Variants in CEACAM1 observed in about 807,000 individuals in gnomAD.
CEACAM1 encodes the protein CEA cell adhesion molecule 1.
Under a neutral mutation model 49.1 loss-of-function variants are expected in CEACAM1, and 31 were observed. The observed-to-expected ratio is 0.63, with a 90% CI of 0.47 to 0.85. CEACAM1 has a LOEUF of 0.85. Ranked by LOEUF, CEACAM1 falls within the 40% of genes least tolerant of loss-of-function variation. The pLI is 0.00. For synonymous variants in CEACAM1, 244 were observed against 247.8 expected (o/e 0.98, Z 0.14); for missense variants, 570 against 645.3 (o/e 0.88, Z 1.26).
At chr19:42,519,586 T>G (rs1194069686) in intron 4 of CEACAM1, 1 of 214,258 alleles carries the variant, frequency 4.7e-6, no homozygotes, top group African/African-American at 2.7e-5. Flanking sequence ...TTTTTTTTTT[T>G]TCAGACGGAG....
chr19:42,512,505 GA>G (rs1168205998), intron 5 of CEACAM1, 26 bp from the exon 6 acceptor site: 1 of 1,606,278 alleles, frequency 6.2e-7, no homozygotes, highest in Admixed American at 1.7e-5. Context: ...AAGAGGAGAA[GA>G]AATGAAAGTG....
chr19:42,509,277 C>T lies in CEACAM1; in HGVS notation c.1462-49G>A, dbSNP rs201227332. On this transcript the variant is annotated intron_variant, in intron 8 of 8. Transcript: ENST00000161559. Reference sequence around the variant, plus strand: ...GTTAAGTCAGTGACACAGGGCAGGGCCTCACCTTGCCTGGTGTGATTCAGC... The same window carrying T: ...GTTAAGTCAGTGACACAGGGCAGGGTCTCACCTTGCCTGGTGTGATTCAGC... The T allele has an allele frequency of 8.5e-5, 132 of 1,551,204 alleles. 2 individuals carry two copies. In the South Asian group the frequency reaches 1.1e-3, roughly 13 times the overall value.
chr19:42,512,778 A>G (rs1185926788), intron 5 of CEACAM1, among the ~76,000 whole-genome samples: 2 of 151,706 alleles, frequency 1.3e-5, no homozygotes, highest in Non-Finnish European at 2.9e-5. Context: ...CCCAGGTTCA[A>G]GCGATTCTCC....
chr19:42,511,619 G>A lies in CEACAM1; in HGVS notation c.1386C>T (p.Asp462=). 1 of 1,613,968 alleles carries A rather than the reference G, an allele frequency of 6.2e-7. No homozygotes were observed. The highest frequency in any genetic ancestry group is 8.5e-7 in the Non-Finnish European group (1 of 1,179,948). The part of the protein sequence containing the change: ...LHFGKTGRAS[D]QRDLTEHKPS... ...GTTTGTGCTCTGTGAGATCACGCTG[G>A]TCGCTTGCCCTAAATAAATATCAGA... Residue 462 remains aspartate (D), a synonymous_variant, in exon 7 of 9, where the codon GAC becomes GAT. Coordinates refer to ENST00000161559, the MANE Select transcript of CEACAM1 (RefSeq NM_001712.5).
intron 2 of CEACAM1, among the ~76,000 whole-genome samples, chr19:42,522,834 G>C (rs929053859): frequency 6.6e-6 from 1 of 152,140 alleles, no homozygotes; most frequent in Admixed American, 6.6e-5. Flanking sequence ...GATTCCGTCC[G>C]GGCATTTTTC....
chr19:42,517,268 A>G (rs932288805), intron 5 of CEACAM1, among the ~76,000 whole-genome samples: 2 of 152,256 alleles, frequency 1.3e-5, no homozygotes, highest in Non-Finnish European at 2.9e-5. Context: ...GAATTTGGCA[A>G]TGATTTCTTG....
At chr19:42,519,282 G>T (rs1220088464) in intron 4 of CEACAM1, 47 bp from the exon 5 acceptor site, 1 of 1,579,014 alleles carries the variant, frequency 6.3e-7, no homozygotes, top group Admixed American at 1.7e-5. Flanking sequence ...GAATAGGGTT[G>T]GGGCCTGGGG....
At position 42,515,235 on chromosome 19, in the gene CEACAM1, T is replaced by C. The variant is rs1241883606; in HGVS notation, c.1247-2756A>G. 6 of 457,626 alleles carry C rather than the reference T, an allele frequency of 1.3e-5. No individual in the cohort carries two copies. The South Asian group carries it at 2.2e-4, about 17-fold the overall frequency. The allele number at this position is 457,626 out of a possible 1,614,324, so 28.3% of individuals were successfully genotyped here. On this transcript the variant is annotated intron_variant, in intron 5 of 8. Coordinates refer to ENST00000161559, the MANE Select transcript of CEACAM1 (RefSeq NM_001712.5). ...CTGTGTTTGCACCACTGCACTCCAG[T>C]CTGGGTGACAGAGTGACACCCTGTC... is the stretch of plus-strand genomic sequence containing the variant.
At chr19:42,513,917 T>TATATATATATATATATATATATAA (rs1395679051) in intron 5 of CEACAM1, among the ~76,000 whole-genome samples, 10 of 129,638 alleles carry the variant, frequency 7.7e-5, no homozygotes, top group African/African-American at 3.2e-4. Flanking sequence ...TATATATATA[T>TATATATATATATATATATATATAA]AATATATAAA....
chr19:42,508,940 G>A lies in CEACAM1; in HGVS notation c.*169C>T. On this transcript the variant is annotated 3_prime_UTR_variant, in exon 9 of 9. Coordinates refer to ENST00000161559, the MANE Select transcript of CEACAM1 (RefSeq NM_001712.5). The stretch of plus-strand genomic sequence containing the variant: ...CAATGTACTTTCATCTATTGACACT[G>A]AGAGAGGGGCAGTGACCAGGCAGCC... 1 of 648,500 alleles carries A rather than the reference G, an allele frequency of 1.5e-6. No homozygotes were observed. Among genetic ancestry groups the A allele is most frequent in the South Asian group, 2.0e-5 (1 of 50,868 alleles). The allele number at this position is 648,500 out of a possible 1,614,324, so 40.2% of individuals were successfully genotyped here. A position where few individuals can be genotyped will look rare whatever the true frequency, so the allele number is the denominator to read the frequency against.
At chr19:42,511,800 CTT>C (rs1285729993) in intron 6 of CEACAM1, among the ~76,000 whole-genome samples, 172 bp from the exon 7 acceptor site, 2 of 152,154 alleles carry the variant, frequency 1.3e-5, no homozygotes, top group Non-Finnish European at 2.9e-5. Flanking sequence ...AGTGTTTACT[CTT>C]TTCCTGTTTG....
At chr19:42,516,266 A>G (rs1041435601) in intron 5 of CEACAM1, among the ~76,000 whole-genome samples, 15 of 152,300 alleles carry the variant, frequency 9.8e-5, no homozygotes, top group African/African-American at 3.1e-4. Flanking sequence ...ATATATAGAA[A>G]ACCCTAGAGA....
At chr19:42,513,516 G>C (rs1179097271) in intron 5 of CEACAM1, among the ~76,000 whole-genome samples, 5 of 151,708 alleles carry the variant, frequency 3.3e-5, no homozygotes, top group Non-Finnish European at 7.4e-5. Flanking sequence ...AGAATCGCTT[G>C]AACCCGGGGG....
chr19:42,513,524 G>C (rs535521640), intron 5 of CEACAM1, among the ~76,000 whole-genome samples: 7 of 149,176 alleles, frequency 4.7e-5, no homozygotes, highest in East Asian at 4.0e-4. Context: ...TTGAACCCGG[G>C]GGGCAGAGGT....
intron 5 of CEACAM1, 74 bp downstream of exon 5, chr19:42,518,874 G>C (rs1421675027): frequency 5.2e-5 from 79 of 1,517,692 alleles, no homozygotes; most frequent in Non-Finnish European, 7.1e-5. Flanking sequence ...CCTCCTGTGA[G>C]TTTTATCCAT....
At position 42,528,411 on chromosome 19, in the gene CEACAM1, A is replaced by G. The variant is rs1224706014; in HGVS notation, c.-37T>C. ...CTGGCCCTGTCTTCACCTGTGGAGG[A>G]GAGCTTGGGCTCCAGGAACGCTTCG... On this transcript the variant is annotated 5_prime_UTR_variant, in exon 1 of 9. Coordinates refer to ENST00000161559, the MANE Select transcript of CEACAM1 (RefSeq NM_001712.5). 1.9e-6 allele frequency: 3 copies of G among 1,607,062 alleles called. No homozygotes were observed. Among genetic ancestry groups the G allele is most frequent in the South Asian group, 1.1e-5 (1 of 90,928 alleles).
At position 42,527,323 on chromosome 19, in the gene CEACAM1, C is replaced by G. The variant is rs766913973; in HGVS notation, c.142G>C (p.Gly48Arg). The G allele has an allele frequency of 2.7e-5, 43 of 1,614,046 alleles. No homozygotes were observed. The highest frequency in any genetic ancestry group is 3.6e-5 in the Non-Finnish European group (43 of 1,179,964). Residue 48 changes from glycine to arginine, a missense_variant, in exon 2 of 9, where the codon GGG (glycine) becomes CGG (arginine). Coordinates refer to ENST00000161559, the MANE Select transcript of CEACAM1 (RefSeq NM_001712.5). ...TESMPFNVAE[G>R]KEVLLLVHNL... ...TGGACAAGGAGAAGAACCTCCTTCC[C>G]CTCTGCAACATTGAATGGCATGGAT...
chr19:42,519,479 C>T (rs1568658453), intron 4 of CEACAM1: 1 of 504,314 alleles, frequency 2.0e-6, no homozygotes, highest in South Asian at 2.5e-5. Context: ...CAGAGTGACC[C>T]TCTGGATATC....
Position 42,521,943 on chromosome 19 carries a change from T to C in CEACAM1, c.684A>G (p.Pro228=). Residue 228 remains proline (P), a synonymous_variant, in exon 3 of 9, where the codon CCA becomes CCG. Transcript: ENST00000161559. ...ACTCACAGGTGACATTCAAGGTGAC[T>C]GGGTCACTGCGGTTCGCACTCACTG... ...QNPVSANRSD[P]VTLNVTYGPD... is the part of the protein sequence containing the mutation. The C allele has an allele frequency of 6.2e-7, 1 of 1,614,266 alleles. No homozygotes were observed. The highest frequency in any genetic ancestry group is 1.1e-5 in the South Asian group (1 of 91,086).
Sources: gnomAD v4.1 joint callset for allele counts (sites outside exome capture counted in the v4.1 genomes callset) on GRCh38, gnomAD v4.1.1 for gene constraint, MANE v1.5 for transcripts, NCBI Gene and HGNC (gene_info 2026-07-23, HGNC 2026-07-21) for gene names.